Variants in SHLD2 observed in about 807,000 individuals in gnomAD.
SHLD2 encodes RINN1-REV7-interacting novel NHEJ regulator 2.
Under a neutral mutation model 73.2 loss-of-function variants are expected in SHLD2, and 30 were observed. The ratio of observed to expected loss-of-function variants is 0.41; its 90% CI spans 0.31 to 0.56. SHLD2 has a LOEUF of 0.56. SHLD2 is among the 20% of genes least tolerant of loss of function. SHLD2 has a pLI of 0.28. For synonymous variants in SHLD2, 285 were observed against 370.1 expected, an observed-to-expected ratio of 0.77 and a Z score of 2.64; for missense variants, 745 against 1,055.9, an observed-to-expected ratio of 0.71 and a Z score of 4.08.
intron 2 of SHLD2, among the ~76,000 whole-genome samples, chr10:87,113,776 C>A (rs558571468): frequency 6.6e-6 from 1 of 152,096 alleles, no homozygotes; most frequent in Non-Finnish European, 1.5e-5. Flanking sequence ...GAGGCCGAGG[C>A]GAGTGGATCA....
At chr10:87,099,599 A>G (rs4501904) in intron 2 of SHLD2, among the ~76,000 whole-genome samples, 48,054 of 152,074 alleles carry the variant, frequency 0.32, 8,357 homozygotes, top group East Asian at 0.74. Flanking sequence ...CTTTTTGACT[A>G]TTCTGAATGA....
chr10:87,104,786 G>A (rs1564576146), intron 2 of SHLD2, among the ~76,000 whole-genome samples: 1 of 151,574 alleles, frequency 6.6e-6, no homozygotes, highest in Admixed American at 6.6e-5. Context: ...TCAGCCTCCC[G>A]AGTAGCTGGG....
chr10:87,125,509 C>T (rs960832266), intron 2 of SHLD2, among the ~76,000 whole-genome samples: 2 of 152,164 alleles, frequency 1.3e-5, no homozygotes, highest in African/African-American at 2.4e-5. Flanking sequence ...GCCAAGGCGG[C>T]AGATCACCTG....
intron 4 of SHLD2, among the ~76,000 whole-genome samples, chr10:87,167,634 A>T (rs1338143798): frequency 7.2e-5 from 11 of 152,048 alleles, no homozygotes; most frequent in Non-Finnish European, 1.3e-4. Flanking sequence ...AGTGGGACCT[A>T]ATAATACTTT....
chr10:87,191,032 A>G lies in SHLD2; in HGVS notation c.*349A>G, dbSNP rs1240240929. 3.5e-6 allele frequency: 1 copy of G among 284,676 alleles called. No homozygotes were observed. The highest frequency in any genetic ancestry group is 2.2e-5 in the African/African-American group (1 of 44,854). The allele number at this position is 284,676 out of a possible 1,614,324, so 17.6% of individuals were successfully genotyped here. On this transcript the variant is annotated 3_prime_UTR_variant, in exon 10 of 10. Coordinates refer to ENST00000298786, the MANE Select transcript of SHLD2 (RefSeq NM_001330112.2). ...AAGTATGGGGAACCACAGAGAAGAC[A>G]TTCCCTCAGAAACTGCTGCAGTGCT...
intron 2 of SHLD2, among the ~76,000 whole-genome samples, chr10:87,143,191 C>T (rs968665483): frequency 1.3e-5 from 2 of 151,970 alleles, no homozygotes; most frequent in Non-Finnish European, 2.9e-5. Context: ...GCCTCAGCCT[C>T]CCAAAGTAAA....
rs554928457 is a variant in SHLD2, at chr10:87,127,686, A to G, written c.-5-23664A>G. 4.0e-4 allele frequency among the ~76,000 whole-genome samples: 60 copies of G among 151,564 alleles called. 2 individuals carry two copies. The East Asian group carries it at 0.01, about 25-fold the overall frequency. Reference sequence around the variant, plus strand: ...ACAGTGAAATTATTTGATATGAAAAAGGATCTCAGTTATTAGAAAAAACAC... The same window carrying G: ...ACAGTGAAATTATTTGATATGAAAAGGGATCTCAGTTATTAGAAAAAACAC... On this transcript the variant is annotated intron_variant, in intron 2 of 9. Transcript: ENST00000298786.
intron 2 of SHLD2, among the ~76,000 whole-genome samples, chr10:87,123,847 T>C (rs1049977318): frequency 7.2e-5 from 11 of 152,352 alleles, no homozygotes; most frequent in African/African-American, 2.6e-4. Flanking sequence ...AGTTTGAGGA[T>C]AGTTATCTAA....
intron 2 of SHLD2, among the ~76,000 whole-genome samples, chr10:87,138,212 C>A (rs2134204575): frequency 6.6e-6 from 1 of 152,160 alleles, no homozygotes; most frequent in Middle Eastern, 3.4e-3. Flanking sequence ...GCAGGAGAAT[C>A]ACTTGAACCC....
At chr10:87,126,383 C>T (rs1309783892) in intron 2 of SHLD2, among the ~76,000 whole-genome samples, 2 of 152,140 alleles carry the variant, frequency 1.3e-5, no homozygotes, top group Non-Finnish European at 2.9e-5. Context: ...CCCAGTTGAG[C>T]AATACTGGGT....
At chr10:87,144,937 C>CTTT (rs1178507966) in intron 2 of SHLD2, among the ~76,000 whole-genome samples, 11 of 72,004 alleles carry the variant, frequency 1.5e-4, no homozygotes, top group Non-Finnish European at 2.2e-4. Context: ...GCCTGTAATT[C>CTTT]TTTTTTTTTT....
intron 2 of SHLD2, among the ~76,000 whole-genome samples, chr10:87,135,976 C>T (rs1422859195): frequency 1.3e-5 from 2 of 151,706 alleles, no homozygotes; most frequent in Non-Finnish European, 2.9e-5. Context: ...TACATATGCG[C>T]AGCCTACACT....
Position 87,191,009 on chromosome 10 carries a change from G to A in SHLD2, c.*326G>A. 1 of 334,324 alleles carries A rather than the reference G, an allele frequency of 3.0e-6. No homozygotes were observed. 20.7% of individuals were successfully genotyped at this position (334,324 alleles called of 1,614,324 possible). ...TGCTACATTCCAGGCATTGTACTAAGTATGGGGAACCACAGAGAAGACATT... is the reference window on the plus strand; with the variant it reads ...TGCTACATTCCAGGCATTGTACTAAATATGGGGAACCACAGAGAAGACATT... On this transcript the variant is annotated 3_prime_UTR_variant, in exon 10 of 10. Transcript: ENST00000298786.
intron 2 of SHLD2, among the ~76,000 whole-genome samples, chr10:87,128,346 A>G (rs1208425132): frequency 1.3e-5 from 2 of 152,106 alleles, no homozygotes; most frequent in Non-Finnish European, 2.9e-5. Flanking sequence ...CAAATTTCCC[A>G]TTTTCTTTCA....
intron 2 of SHLD2, among the ~76,000 whole-genome samples, chr10:87,142,831 G>A (rs551272172): frequency 0.015 from 2,220 of 149,916 alleles, 57 homozygotes; most frequent in African/African-American, 0.052. Flanking sequence ...GGGTGGAGAT[G>A]AAAGCAAGCA....
chr10:87,134,721 C>T (rs1241538367), intron 2 of SHLD2, among the ~76,000 whole-genome samples: 5 of 152,182 alleles, frequency 3.3e-5, no homozygotes, highest in Non-Finnish European at 7.3e-5. Context: ...TGGAATGCTG[C>T]AGGCAGGGGA....
intron 2 of SHLD2, among the ~76,000 whole-genome samples, chr10:87,143,951 C>T: frequency 6.6e-6 from 1 of 151,410 alleles, no homozygotes; most frequent in East Asian, 1.9e-4. Flanking sequence ...GCAACCTCCA[C>T]CTCCTGGGTT....
At chr10:87,179,318 A>G (rs892581589) in intron 7 of SHLD2, among the ~76,000 whole-genome samples, 1 of 152,162 alleles carries the variant, frequency 6.6e-6, no homozygotes, top group Non-Finnish European at 1.5e-5. Context: ...GATAATGGTG[A>G]GCGGAAAGTT....
intron 8 of SHLD2, among the ~76,000 whole-genome samples, chr10:87,186,867 A>G (rs1164630610): frequency 9.2e-5 from 14 of 151,954 alleles, no homozygotes; most frequent in East Asian, 1.9e-4. Flanking sequence ...AAATGGATAT[A>G]GAATAAATAA....
Sources: gnomAD v4.1 joint callset for allele counts (sites outside exome capture counted in the v4.1 genomes callset) on GRCh38, gnomAD v4.1.1 for gene constraint, MANE v1.5 for transcripts, NCBI Gene and HGNC (gene_info 2026-07-23, HGNC 2026-07-21) for gene names.